SNX4: variants seen among roughly 807,000 people sequenced by gnomAD.
The protein encoded by SNX4 is sorting nexin 4.
In SNX4, 49 loss-of-function variants were observed where a neutral mutation model predicts 70.8. The observed-to-expected ratio is 0.69, with a 90% CI of 0.55 to 0.88. The LOEUF is 0.88. Ranked by LOEUF, SNX4 falls within the 40% of genes least tolerant of loss-of-function variation. SNX4 has a pLI of 0.00. For synonymous variants in SNX4, 206 were observed against 183.8 expected, an observed-to-expected ratio of 1.12 and a Z score of -0.98; for missense variants, 528 against 544.8, an observed-to-expected ratio of 0.97 and a Z score of 0.31.
intron 1 of SNX4, among the ~76,000 whole-genome samples, chr3:125,510,344 T>G (rs1311681889): frequency 6.6e-6 from 1 of 151,776 alleles, no homozygotes; most frequent in East Asian, 1.9e-4. Flanking sequence ...CATTCTCCCG[T>G]CTCAGCCTCC....
chr3:125,453,770 T>G (rs1933639270), intron 12 of SNX4, 40 bp downstream of exon 12: 2 of 1,591,074 alleles, frequency 1.3e-6, no homozygotes, highest in South Asian at 2.3e-5. Flanking sequence ...TACCATATAG[T>G]CTACAAGCCT....
intron 5 of SNX4, among the ~76,000 whole-genome samples, chr3:125,493,789 T>C (rs888974093): frequency 3.3e-5 from 5 of 152,002 alleles, no homozygotes; most frequent in African/African-American, 9.7e-5. Context: ...CCCAGCACTT[T>C]GGGAGGCTGA....
At chr3:125,517,755 C>T (rs956328427) in intron 1 of SNX4, among the ~76,000 whole-genome samples, 1 of 151,882 alleles carries the variant, frequency 6.6e-6, no homozygotes, top group African/African-American at 2.4e-5. Flanking sequence ...GCAGGCGGAT[C>T]GCCTGAGGTC....
chr3:125,495,288 A>ATACACG, intron 5 of SNX4, among the ~76,000 whole-genome samples: 1 of 138,462 alleles, frequency 7.2e-6, no homozygotes, highest in Admixed American at 7.3e-5. Context: ...ACACATACAC[A>ATACACG]CACACACACG....
chr3:125,459,671 T>C (rs1388127951), intron 10 of SNX4, among the ~76,000 whole-genome samples: 2 of 152,068 alleles, frequency 1.3e-5, no homozygotes, highest in Non-Finnish European at 2.9e-5. Context: ...ACTCCTGGCC[T>C]CAGGTGATCC....
At chr3:125,499,888 G>T (rs895590942) in intron 2 of SNX4, among the ~76,000 whole-genome samples, 1 of 151,688 alleles carries the variant, frequency 6.6e-6, no homozygotes, top group African/African-American at 2.4e-5. Context: ...GTGAAACCCC[G>T]TCTCTACTAA....
chr3:125,492,107 C>CAAAAAAAAAAAA (rs60558490), intron 5 of SNX4, among the ~76,000 whole-genome samples: 3 of 47,404 alleles, frequency 6.3e-5, no homozygotes, highest in Non-Finnish European at 8.1e-5. Context: ...GACTCCATCT[C>CAAAAAAAAAAAA]AAAAAAAAAA....
At chr3:125,499,311 A>T (rs925061467) in intron 2 of SNX4, among the ~76,000 whole-genome samples, 1 of 152,218 alleles carries the variant, frequency 6.6e-6, no homozygotes, top group Non-Finnish European at 1.5e-5. Flanking sequence ...GCCCTCCATG[A>T]AATGCACAAG....
chr3:125,460,506 C>A (rs1233014301), intron 10 of SNX4, among the ~76,000 whole-genome samples: 1 of 152,184 alleles, frequency 6.6e-6, no homozygotes, highest in Non-Finnish European at 1.5e-5. Flanking sequence ...AATCTTCAAA[C>A]TGGAAAAAGT....
rs1934114709 is a variant in SNX4, at chr3:125,469,504, T to A, written c.804A>T (p.Ile268=). ...YGRVFSEWSA[I]EKEMGDGLQS... The stretch of plus-strand genomic sequence containing the variant: ...GCAGTCCATCACCCATTTCTTTTTC[T>A]ATGGCACTCCATTCACTAGGGAGTA... Residue 268 remains isoleucine, a synonymous_variant, in exon 9 of 14, where the codon ATA becomes ATT. Transcript: ENST00000251775. 1 of 1,613,018 alleles carries A rather than the reference T, an allele frequency of 6.2e-7. No homozygotes were observed. The highest frequency in any genetic ancestry group is 1.7e-5 in the Admixed American group (1 of 60,018).
At chr3:125,501,603 G>A (rs1399898919) in intron 2 of SNX4, among the ~76,000 whole-genome samples, 3 of 150,266 alleles carry the variant, frequency 2.0e-5, no homozygotes, top group Non-Finnish European at 4.4e-5. Flanking sequence ...CTGGGTGACA[G>A]AGCGAGACTC....
intron 9 of SNX4, among the ~76,000 whole-genome samples, chr3:125,464,942 A>G (rs1933972134): frequency 6.6e-6 from 1 of 151,852 alleles, no homozygotes; most frequent in Admixed American, 6.6e-5. Flanking sequence ...ACAGGGATTC[A>G]CCATGTTGAC....
intron 9 of SNX4, among the ~76,000 whole-genome samples, chr3:125,463,078 A>G (rs1467907319): frequency 5.3e-5 from 8 of 152,204 alleles, no homozygotes; most frequent in Non-Finnish European, 1.5e-5. Context: ...CTTCGCATGG[A>G]CACACTTTAT....
chr3:125,461,315 A>G (rs1328027468), intron 9 of SNX4, among the ~76,000 whole-genome samples: 1 of 152,226 alleles, frequency 6.6e-6, no homozygotes. Context: ...TGTTGTAAGT[A>G]CAGACAGTGA....
intron 8 of SNX4, among the ~76,000 whole-genome samples, chr3:125,470,701 T>C (rs185108788): frequency 6.6e-6 from 1 of 152,220 alleles, no homozygotes; most frequent in African/African-American, 2.4e-5. Flanking sequence ...AAAATATTAA[T>C]TACAACAAAA....
intron 5 of SNX4, among the ~76,000 whole-genome samples, chr3:125,490,702 T>C (rs1934639134): frequency 6.6e-6 from 1 of 150,502 alleles, no homozygotes; most frequent in Non-Finnish European, 1.5e-5. Context: ...AACTGAGGGA[T>C]AAATACTAAA....
intron 1 of SNX4, among the ~76,000 whole-genome samples, chr3:125,515,459 T>C (rs1432659517): frequency 6.6e-6 from 1 of 151,426 alleles, no homozygotes; most frequent in Non-Finnish European, 1.5e-5. Flanking sequence ...CCCAGATGTT[T>C]GAGACCAGCC....
chr3:125,455,157 T>C (rs6438903), intron 11 of SNX4, among the ~76,000 whole-genome samples: 5,763 of 152,236 alleles, frequency 0.038, 250 homozygotes, highest in African/African-American at 0.092. Flanking sequence ...CTCAAATTCC[T>C]GGGCTCAAGC....
chr3:125,473,895 T>TA (rs1424328417), intron 8 of SNX4, among the ~76,000 whole-genome samples: 5 of 152,200 alleles, frequency 3.3e-5, no homozygotes, highest in Admixed American at 6.5e-5. Context: ...CTCTATGTTT[T>TA]AAAAAATCAC....
Sources: allele counts gnomAD v4.1 joint callset (sites outside exome capture counted in the v4.1 genomes callset), GRCh38; gene constraint gnomAD v4.1.1; transcripts MANE v1.5; gene names NCBI Gene and HGNC (gene_info 2026-07-23, HGNC 2026-07-21).